The following CFAP97 variants were observed in gnomAD, a reference collection of about 807,000 sequenced individuals.
CFAP97 encodes cilia and flagella associated protein 97.
Under a neutral mutation model 43.1 loss-of-function variants are expected in CFAP97, and 36 were observed. The observed-to-expected ratio is 0.84, with a 90% CI of 0.64 to 1.10. The LOEUF is 1.10. Ranked by LOEUF, CFAP97 falls within the 50% of genes least tolerant of loss-of-function variation. CFAP97 has a pLI of 0.00. For synonymous variants in CFAP97, 228 were observed against 225.7 expected, an observed-to-expected ratio of 1.01 and a Z score of -0.09; for missense variants, 657 against 620.3, an observed-to-expected ratio of 1.06 and a Z score of -0.63.
At chr4:185,167,891 C>T (rs1735130457) in intron 3 of CFAP97, among the ~76,000 whole-genome samples, 1 of 151,248 alleles carries the variant, frequency 6.6e-6, no homozygotes, top group Non-Finnish European at 1.5e-5. Context: ...TCCAGCTACT[C>T]CGGAGGCTGA....
chr4:185,203,560 G>C (rs1737016687), intron 1 of CFAP97, among the ~76,000 whole-genome samples: 1 of 152,034 alleles, frequency 6.6e-6, no homozygotes, highest in African/African-American at 2.4e-5. Context: ...TTAGGTTCGA[G>C]TCCCTACAAG....
At chr4:185,207,406 C>G (rs755325387), upstream of CFAP97, among the ~76,000 whole-genome samples, 1 of 151,560 alleles carries the variant, frequency 6.6e-6, no homozygotes, top group South Asian at 2.1e-4. Flanking sequence ...TTAGTAGAGA[C>G]GGGGTTTTGC....
At chr4:185,181,619 C>T (rs1735794018) in intron 2 of CFAP97, among the ~76,000 whole-genome samples, 1 of 152,188 alleles carries the variant, frequency 6.6e-6, no homozygotes, top group Non-Finnish European at 1.5e-5. Context: ...GCCACCACAC[C>T]CAGCCGGCAT....
intron 2 of CFAP97, among the ~76,000 whole-genome samples, chr4:185,186,292 G>T (rs1196553798): frequency 6.6e-6 from 1 of 152,064 alleles, no homozygotes; most frequent in Admixed American, 6.5e-5. Flanking sequence ...AATTAGCCAG[G>T]CGTGGTGGAG....
rs959183670 is a variant in CFAP97 at position 185,170,125 on chromosome 4, A to G, written c.1320+5661T>C. 3.0e-5 allele frequency: 30 copies of G among 999,494 alleles called. No homozygotes were observed. In the African/African-American group the frequency reaches 4.8e-4, roughly 16 times the overall value. 61.9% of individuals were successfully genotyped at this position (999,494 alleles called of 1,614,324 possible). A position where few individuals can be genotyped will look rare whatever the true frequency, so the allele number is the denominator to read the frequency against. ...CTCTTTGGGAAGCTGAGGCAGATGG[A>G]TCACTTGAGGTCAGGAGTTTGAGAC... On this transcript the variant is annotated intron_variant, in intron 3 of 4. Transcript: ENST00000458385.
At chr4:185,182,455 C>T (rs1182827852) in intron 2 of CFAP97, 2 of 152,182 alleles carry the variant, frequency 1.3e-5, no homozygotes, top group African/African-American at 2.4e-5. Flanking sequence ...CTTTCAAGAT[C>T]CACTTCAAAG....
intron 2 of CFAP97, among the ~76,000 whole-genome samples, chr4:185,184,082 C>T (rs1735908554): frequency 6.6e-6 from 1 of 152,086 alleles, no homozygotes; most frequent in Non-Finnish European, 1.5e-5. Flanking sequence ...TTCAATGGAA[C>T]CAAATAGTTT....
intron 2 of CFAP97, among the ~76,000 whole-genome samples, chr4:185,176,457 G>C (rs560241199): frequency 4.6e-5 from 7 of 152,136 alleles, no homozygotes; most frequent in Non-Finnish European, 8.8e-5. Context: ...TTAAATTCAA[G>C]AAAAAGTATG....
chr4:185,193,772 C>T (rs1736412096), intron 1 of CFAP97, among the ~76,000 whole-genome samples: 1 of 152,116 alleles, frequency 6.6e-6, no homozygotes, highest in Non-Finnish European at 1.5e-5. Flanking sequence ...AAACCAGCCA[C>T]AACACTCTGC....
At chr4:185,203,030 T>A (rs1736958796) in intron 1 of CFAP97, among the ~76,000 whole-genome samples, 1 of 152,166 alleles carries the variant, frequency 6.6e-6, no homozygotes, top group African/African-American at 2.4e-5. Context: ...AACCCTTTGG[T>A]GCTCAATCAA....
chr4:185,203,745 C>A (rs1037246136), intron 1 of CFAP97, 153 bp downstream of exon 1: 1 of 152,058 alleles, frequency 6.6e-6, no homozygotes, highest in Non-Finnish European at 1.5e-5. Context: ...GTCGTGGGGG[C>A]GCGGTCTCCC....
At chr4:185,164,237 G>A (rs1734984077) in intron 3 of CFAP97, 58 bp from the exon 4 acceptor site, 1 of 1,498,516 alleles carries the variant, frequency 6.7e-7, no homozygotes, top group South Asian at 1.2e-5. Flanking sequence ...TTTTTAACAA[G>A]GCAATACATT....
chr4:185,170,392 CAGA>C, intron 3 of CFAP97: 1 of 439,732 alleles, frequency 2.3e-6, no homozygotes, highest in Non-Finnish European at 4.0e-6. Context: ...AGACAAAGCA[CAGA>C]AGAGGATAAT....
chr4:185,169,276 C>G (rs551199442), intron 3 of CFAP97: 3 of 152,326 alleles, frequency 2.0e-5, no homozygotes, highest in South Asian at 2.1e-4. Flanking sequence ...GAGGGAGGGA[C>G]TTGGTGGAAG....
At chr4:185,206,176 A>G (rs1463909907), upstream of CFAP97, among the ~76,000 whole-genome samples, 2 of 152,228 alleles carry the variant, frequency 1.3e-5, no homozygotes, top group Non-Finnish European at 2.9e-5. Flanking sequence ...AAAGGAAGTG[A>G]AAGCAGGGTC....
At chr4:185,202,821 G>A (rs568782375) in intron 1 of CFAP97, among the ~76,000 whole-genome samples, 1 of 152,186 alleles carries the variant, frequency 6.6e-6, no homozygotes, top group African/African-American at 2.4e-5. Flanking sequence ...TAAAGATTTC[G>A]ACACTCATGT....
At chr4:185,181,901 G>A (rs1356081848) in intron 2 of CFAP97, among the ~76,000 whole-genome samples, 1 of 152,166 alleles carries the variant, frequency 6.6e-6, no homozygotes, top group African/African-American at 2.4e-5. Context: ...GAGCATAACA[G>A]GGTCTGTATC....
chr4:185,199,200 C>T (rs935890677), intron 1 of CFAP97, among the ~76,000 whole-genome samples: 3 of 152,130 alleles, frequency 2.0e-5, no homozygotes. Context: ...GGGCGAAACC[C>T]CATCTCTACA....
At chr4:185,207,865 T>A (rs1737256411), upstream of CFAP97, 1 of 152,212 alleles carries the variant, frequency 6.6e-6, no homozygotes, top group African/African-American at 2.4e-5. Context: ...TTAGTTACTA[T>A]TATGGTGAGC....
Sources: gnomAD v4.1 joint callset for allele counts (sites outside exome capture counted in the v4.1 genomes callset) on GRCh38, gnomAD v4.1.1 for gene constraint, MANE v1.5 for transcripts, NCBI Gene and HGNC (gene_info 2026-07-23, HGNC 2026-07-21) for gene names.